The following PAN3 variants were observed in gnomAD, a reference collection of about 807,000 sequenced individuals.
The protein encoded by PAN3 is PAN2-PAN3 deadenylation complex subunit PAN3.
Under a neutral mutation model 96.2 loss-of-function variants are expected in PAN3, and 19 were observed. The ratio of observed to expected loss-of-function variants is 0.20; its 90% CI spans 0.14 to 0.29. PAN3 has a LOEUF of 0.29. PAN3 is among the 10% of genes least tolerant of loss of function. The probability of loss-of-function intolerance (pLI) is 1.00; values close to 1 mark genes in which losing one functional copy is unlikely to be tolerated. For synonymous variants in PAN3, 433 were observed against 406.6 expected (o/e 1.06, Z -0.78); for missense variants, 882 against 1,108.1 (o/e 0.80, Z 2.90).
At position 28,215,709 on chromosome 13, in the gene PAN3, A is replaced by G. The variant is rs1433767179; in HGVS notation, c.853-4522A>G. ...ATTCTTGAAGTCTGGTGATGCCGCC[A>G]TTGTTGATATAGTTCCTGGCAAGCC... On this transcript the variant is annotated intron_variant, in intron 5 of 18. Coordinates refer to ENST00000380958, the MANE Select transcript of PAN3 (RefSeq NM_175854.8). The G allele has an allele frequency of 1.1e-5, 17 of 1,493,518 alleles. No individual in the cohort carries two copies. In the South Asian group the frequency reaches 1.4e-4, roughly 12 times the overall value. The allele number at this position is 1,493,518 out of a possible 1,614,324, so 92.5% of individuals were successfully genotyped here. A position where few individuals can be genotyped will look rare whatever the true frequency, so the allele number is the denominator to read the frequency against.
intron 1 of PAN3, among the ~76,000 whole-genome samples, chr13:28,162,984 A>T (rs1873071010): frequency 6.6e-6 from 1 of 152,124 alleles, no homozygotes; most frequent in African/African-American, 2.4e-5. Flanking sequence ...GGCCGAATGC[A>T]GTGGCTTACA....
At chr13:28,239,877 CT>C (rs1407018591) in intron 6 of PAN3, 3 of 317,172 alleles carry the variant, frequency 9.5e-6, no homozygotes, top group Non-Finnish European at 1.8e-5. Context: ...ATAAATTTTA[CT>C]GCTTTTTTTG....
intron 1 of PAN3, among the ~76,000 whole-genome samples, chr13:28,152,998 A>G (rs888128790): frequency 2.0e-5 from 3 of 152,150 alleles, no homozygotes; most frequent in African/African-American, 7.2e-5. Context: ...CTTTGGCACA[A>G]TAGTTTATTG....
chr13:28,139,300 T>C (rs1869279308), intron 1 of PAN3, among the ~76,000 whole-genome samples: 1 of 130,070 alleles, frequency 7.7e-6, no homozygotes, highest in South Asian at 2.9e-4. Flanking sequence ...CGCGGGGAGG[T>C]TGGGTTCCCG....
At position 28,173,184 on chromosome 13, in the gene PAN3, A is replaced by G. The variant is rs190651550; in HGVS notation, c.431-1088A>G. 9.8e-5 allele frequency among the ~76,000 whole-genome samples: 15 copies of G among 152,346 alleles called. No homozygotes were observed. In the East Asian group the frequency reaches 1.9e-3, roughly 20 times the overall value. On this transcript the variant is annotated intron_variant, in intron 1 of 18. Coordinates refer to ENST00000380958, the MANE Select transcript of PAN3 (RefSeq NM_175854.8). ...GCAGGCAGTTTCAAGAGATGAGCAC[A>G]TAGCTCAAAGTGGGGAGTAGGCTGT... is the stretch of plus-strand genomic sequence containing the variant.
chr13:28,198,692 T>G (rs1878360039), intron 5 of PAN3, among the ~76,000 whole-genome samples: 2 of 152,320 alleles, frequency 1.3e-5, no homozygotes, highest in South Asian at 4.1e-4. Context: ...TAGCCAGAGG[T>G]AGAATGTCTT....
chr13:28,184,932 A>T (rs906660936), intron 4 of PAN3, among the ~76,000 whole-genome samples: 1 of 152,070 alleles, frequency 6.6e-6, no homozygotes, highest in East Asian at 1.9e-4. Context: ...TGAATTTCAC[A>T]AGTAATTTAT....
Position 28,229,466 on chromosome 13 carries a change from C to T in PAN3, c.1000+9088C>T, listed in dbSNP as rs144422554. ...GACTCTTGTTCAACTATATGTGCCT[C>T]AGTAATTGTATTGAACCAGAATACA... On this transcript the variant is annotated intron_variant, in intron 6 of 18. Coordinates refer to ENST00000380958, the MANE Select transcript of PAN3 (RefSeq NM_175854.8). Among the ~76,000 whole-genome samples the T allele has an allele frequency of 4.0e-4, 61 of 152,294 alleles. No individual in the cohort carries two copies. The East Asian group carries it at 0.011, about 28-fold the overall frequency.
At chr13:28,271,957 C>A in intron 13 of PAN3, 24 bp from the exon 14 acceptor site, 1 of 1,440,490 alleles carries the variant, frequency 6.9e-7, no homozygotes, top group Non-Finnish European at 9.4e-7. Flanking sequence ...TAATTATTTT[C>A]TTTAAATTAT....
At chr13:28,290,547 G>T (rs1042860621) in intron 18 of PAN3, among the ~76,000 whole-genome samples, 1 of 152,054 alleles carries the variant, frequency 6.6e-6, no homozygotes, top group Non-Finnish European at 1.5e-5. Context: ...CGGGCGTGGT[G>T]GTACATGCCT....
Position 28,294,819 on chromosome 13 carries a change from T to C in PAN3, c.*2297T>C, listed in dbSNP as rs1870138507. 6.6e-6 allele frequency: 1 copy of C among 152,172 alleles called. No homozygotes were observed. Among genetic ancestry groups the C allele is most frequent in the African/African-American group, 2.4e-5 (1 of 41,350 alleles). 9.4% of individuals were successfully genotyped at this position (152,172 alleles called of 1,614,324 possible). On this transcript the variant is annotated 3_prime_UTR_variant, in exon 19 of 19. Coordinates refer to ENST00000380958, the MANE Select transcript of PAN3 (RefSeq NM_175854.8). Reference sequence around the variant, plus strand: ...AAAGGTTGGTGTCAGGTAATGCATATTTTTTTAAGCTTTGTTTTATATTTA... The same window carrying C: ...AAAGGTTGGTGTCAGGTAATGCATACTTTTTTAAGCTTTGTTTTATATTTA...
At chr13:28,250,932 A>T (rs1215386623) in intron 6 of PAN3, among the ~76,000 whole-genome samples, 1 of 151,478 alleles carries the variant, frequency 6.6e-6, no homozygotes, top group Non-Finnish European at 1.5e-5. Context: ...GGATATTTAC[A>T]TTTTCATTAT....
chr13:28,259,853 G>C (rs1885547127), intron 7 of PAN3, among the ~76,000 whole-genome samples: 1 of 151,878 alleles, frequency 6.6e-6, no homozygotes, highest in Non-Finnish European at 1.5e-5. Flanking sequence ...GGTCAGGCTG[G>C]TCTCGAACTC....
intron 1 of PAN3, among the ~76,000 whole-genome samples, chr13:28,140,448 C>T (rs868116043): frequency 2.6e-5 from 4 of 152,134 alleles, no homozygotes; most frequent in African/African-American, 7.2e-5. Flanking sequence ...TACATGAGAA[C>T]ATTTTGTCTT....
At chr13:28,143,108 G>GTTTTTT (rs1158617246) in intron 1 of PAN3, among the ~76,000 whole-genome samples, 12 of 151,384 alleles carry the variant, frequency 7.9e-5, no homozygotes, top group African/African-American at 2.7e-4. Context: ...TTTTGTTTTT[G>GTTTTTT]TTTTTGTTTT....
intron 1 of PAN3, among the ~76,000 whole-genome samples, chr13:28,164,187 G>GT (rs1453344962): frequency 6.6e-6 from 1 of 152,058 alleles, no homozygotes; most frequent in South Asian, 2.1e-4. Context: ...ACTGTATAGA[G>GT]TTATACAGTT....
chr13:28,247,384 A>G (rs558965321), intron 6 of PAN3, among the ~76,000 whole-genome samples: 1 of 151,928 alleles, frequency 6.6e-6, no homozygotes, highest in Admixed American at 6.5e-5. Context: ...CTTTCTGCAG[A>G]TTGTCTTCAC....
intron 1 of PAN3, among the ~76,000 whole-genome samples, chr13:28,163,417 A>G (rs1948055033): frequency 6.6e-6 from 1 of 152,218 alleles, no homozygotes; most frequent in South Asian, 2.1e-4. Flanking sequence ...AGGGCAAATT[A>G]AAAAATAATG....
intron 14 of PAN3, among the ~76,000 whole-genome samples, chr13:28,272,878 C>T (rs1229134450): frequency 2.6e-5 from 4 of 152,010 alleles, no homozygotes; most frequent in African/African-American, 7.2e-5. Flanking sequence ...CTCCTGATAA[C>T]GTCAGAGACT....
Sources: allele counts gnomAD v4.1 joint callset (sites outside exome capture counted in the v4.1 genomes callset), GRCh38; gene constraint gnomAD v4.1.1; transcripts MANE v1.5; gene names NCBI Gene and HGNC (gene_info 2026-07-23, HGNC 2026-07-21).